Variants in ARIH1 observed in about 807,000 individuals in gnomAD.
ARIH1 encodes E3 ubiquitin-protein ligase ARIH1.
Under a neutral mutation model 85.0 loss-of-function variants are expected in ARIH1, and 8 were observed. The observed-to-expected ratio is 0.09, with a 90% CI of 0.06 to 0.17. The LOEUF (loss-of-function observed/expected upper bound fraction) is 0.17, where lower values mean the gene tolerates loss of function less well. Ranked by LOEUF, ARIH1 falls within the 10% of genes least tolerant of loss-of-function variation. ARIH1 has a pLI of 1.00. For missense variants in ARIH1, 311 were observed against 718.1 expected, an observed-to-expected ratio of 0.43 and a Z score of 6.48; for synonymous variants, 238 against 253.6, an observed-to-expected ratio of 0.94 and a Z score of 0.59.
In ARIH1 at chr15:72,541,883, ATGT is replaced by A. The variant is rs572035533; in HGVS notation, c.444-2933_444-2931del. Among the ~76,000 whole-genome samples the A allele has an allele frequency of 1.6e-4, 24 of 152,338 alleles. No homozygotes were observed. The South Asian group carries it at 5.0e-3, about 32-fold the overall frequency. ...ACATAAAGAGTGATTACAGTTAGTA[ATGT>A]TGTAAGTGCTGCAAAGGACTGCAGA... On this transcript the variant is annotated intron_variant, in intron 2 of 13. Transcript: ENST00000379887.
Position 72,504,587 on chromosome 15 carries a change from G to A in ARIH1, c.376-13480G>A, listed in dbSNP as rs184349280. Reference sequence around the variant, plus strand: ...CCAGGGACCTCTCTCCAGTCAAGCCGCTTCTCTCGTTCGTCTTTATCTGCA... The same window carrying A: ...CCAGGGACCTCTCTCCAGTCAAGCCACTTCTCTCGTTCGTCTTTATCTGCA... On this transcript the variant is annotated intron_variant, in intron 1 of 13. Coordinates refer to ENST00000379887, the MANE Select transcript of ARIH1 (RefSeq NM_005744.5). 1.2e-4 allele frequency among the ~76,000 whole-genome samples: 19 copies of A among 152,176 alleles called. 1 individual carries two copies. Among genetic ancestry groups the A allele is most frequent in the Admixed American group, 1.0e-3 (16 of 15,274 alleles).
chr15:72,503,873 G>A (rs534929073), intron 1 of ARIH1, among the ~76,000 whole-genome samples: 17 of 152,284 alleles, frequency 1.1e-4, no homozygotes, highest in African/African-American at 4.1e-4. Flanking sequence ...TGTGGGCCCT[G>A]CGATGGCACC....
chr15:72,508,716 C>T (rs779668340), intron 1 of ARIH1, among the ~76,000 whole-genome samples: 6 of 142,484 alleles, frequency 4.2e-5, no homozygotes, highest in Middle Eastern at 3.8e-3. Context: ...TTTTTTGAGA[C>T]GGAGTCTCTC....
chr15:72,507,812 A>G (rs1160267233), intron 1 of ARIH1, among the ~76,000 whole-genome samples: 1 of 152,252 alleles, frequency 6.6e-6, no homozygotes, highest in African/African-American at 2.4e-5. Flanking sequence ...CAGACTTACT[A>G]ATCAACTTTT....
rs979086231 is a variant in ARIH1 at position 72,474,357 on chromosome 15, G to A, written c.-283G>A. ...TAGCGATAGCAGCGGCCGTGGAGGT[G>A]GCGTTGGGGACTGTTTTCTCTCGGA... On this transcript the variant is annotated 5_prime_UTR_variant, in exon 1 of 14. Coordinates refer to ENST00000379887, the MANE Select transcript of ARIH1 (RefSeq NM_005744.5). The A allele has an allele frequency of 7.0e-6, 3 of 429,740 alleles. No individual in the cohort carries two copies. Among genetic ancestry groups the A allele is most frequent in the Non-Finnish European group, 1.2e-5 (3 of 241,176 alleles). 26.6% of individuals were successfully genotyped at this position (429,740 alleles called of 1,614,324 possible).
intron 2 of ARIH1, among the ~76,000 whole-genome samples, chr15:72,519,864 C>G (rs1241028119): frequency 1.3e-5 from 2 of 152,100 alleles, no homozygotes; most frequent in Admixed American, 1.3e-4. Flanking sequence ...GATGACACCT[C>G]TACTAGGAGA....
intron 1 of ARIH1, among the ~76,000 whole-genome samples, chr15:72,477,112 A>G (rs1446423941): frequency 6.6e-6 from 1 of 152,194 alleles, no homozygotes; most frequent in African/African-American, 2.4e-5. Flanking sequence ...ATACTACCAC[A>G]TTGCTTTCAG....
chr15:72,561,261 C>A (rs926940311), intron 5 of ARIH1, among the ~76,000 whole-genome samples: 2 of 151,918 alleles, frequency 1.3e-5, no homozygotes, highest in African/African-American at 2.4e-5. Flanking sequence ...AAAATAAGAA[C>A]CATGGAAAAA....
At position 72,580,859 on chromosome 15, in the gene ARIH1, C is replaced by T; in HGVS notation, c.1344C>T (p.His448=). The change falls in exon 12 of 14, where the codon CAC becomes CAT. Residue 448 remains histidine, a synonymous_variant. Coordinates refer to ENST00000379887, the MANE Select transcript of ARIH1 (RefSeq NM_005744.5). ...AGAAAATGGAGGAGATGCAGCAGCACAACATGTCCTGGATTGAGGTGCAGT... is the reference window on the plus strand; with the variant it reads ...AGAAAATGGAGGAGATGCAGCAGCATAACATGTCCTGGATTGAGGTGCAGT... ...VKQKMEEMQQ[H]NMSWIEVQFL... The T allele has an allele frequency of 6.2e-7, 1 of 1,614,170 alleles. No individual in the cohort carries two copies. Among genetic ancestry groups the T allele is most frequent in the Non-Finnish European group, 8.5e-7 (1 of 1,180,008 alleles).
chr15:72,509,899 C>CTTT (rs760955928), intron 1 of ARIH1, among the ~76,000 whole-genome samples: 2 of 143,390 alleles, frequency 1.4e-5, no homozygotes, highest in Non-Finnish European at 3.1e-5. Flanking sequence ...CCAGCCCCAC[C>CTTT]TTTTTTTTTT....
chr15:72,518,323 A>T (rs2063984000), intron 2 of ARIH1, among the ~76,000 whole-genome samples, 189 bp downstream of exon 2: 1 of 151,476 alleles, frequency 6.6e-6, no homozygotes. Context: ...AATGTTAGGG[A>T]GTTCAGTCTT....
At chr15:72,563,327 G>T in intron 6 of ARIH1, 67 bp from the exon 7 acceptor site, 3 of 1,413,484 alleles carry the variant, frequency 2.1e-6, no homozygotes, top group Non-Finnish European at 1.0e-6. Flanking sequence ...CCTAAGTTCT[G>T]GGATTATAGG....
In ARIH1 at chr15:72,484,921, A is replaced by C. The variant is rs534038748; in HGVS notation, c.375+9907A>C. Among the ~76,000 whole-genome samples the C allele has an allele frequency of 2.6e-5, 4 of 152,054 alleles. No homozygotes were observed. The South Asian group carries it at 6.2e-4, about 24-fold the overall frequency. On this transcript the variant is annotated intron_variant, in intron 1 of 13. Transcript: ENST00000379887. ...GTGCAAGTATCTTTTTCGTATAATGACTTTTCCTCTGGGTGGATACCCAGT... is the reference window on the plus strand; with the variant it reads ...GTGCAAGTATCTTTTTCGTATAATGCCTTTTCCTCTGGGTGGATACCCAGT...
At chr15:72,520,093 C>T (rs2063992899) in intron 2 of ARIH1, among the ~76,000 whole-genome samples, 1 of 152,062 alleles carries the variant, frequency 6.6e-6, no homozygotes, top group Non-Finnish European at 1.5e-5. Flanking sequence ...AGCTTCTGCT[C>T]AGTTTTTCTG....
At chr15:72,516,544 C>G (rs2140410119) in intron 1 of ARIH1, among the ~76,000 whole-genome samples, 1 of 152,290 alleles carries the variant, frequency 6.6e-6, no homozygotes, top group South Asian at 2.1e-4. Context: ...CTTTTCACAT[C>G]TTAACTCTTA....
chr15:72,565,701 T>A (rs936576244), intron 7 of ARIH1, among the ~76,000 whole-genome samples: 1 of 152,218 alleles, frequency 6.6e-6, no homozygotes, highest in African/African-American at 2.4e-5. Context: ...CCTATATAGC[T>A]ACAATCCAGT....
intron 1 of ARIH1, among the ~76,000 whole-genome samples, chr15:72,490,908 G>A (rs921083898): frequency 6.6e-6 from 1 of 152,110 alleles, no homozygotes; most frequent in Non-Finnish European, 1.5e-5. Context: ...ATGAGGTCAG[G>A]AGTTCGAGAC....
At chr15:72,578,217 T>TA (rs1482275114) in intron 11 of ARIH1, among the ~76,000 whole-genome samples, 1 of 152,228 alleles carries the variant, frequency 6.6e-6, no homozygotes, top group Non-Finnish European at 1.5e-5. Flanking sequence ...CTGTTGTAGA[T>TA]ACTGCGAAGT....
chr15:72,542,251 T>C (rs1344270119), intron 2 of ARIH1, among the ~76,000 whole-genome samples: 1 of 152,112 alleles, frequency 6.6e-6, no homozygotes, highest in Non-Finnish European at 1.5e-5. Flanking sequence ...CACAGTGGAG[T>C]AGCACGATAA....
Sources: allele counts gnomAD v4.1 joint callset (sites outside exome capture counted in the v4.1 genomes callset), GRCh38; gene constraint gnomAD v4.1.1; transcripts MANE v1.5; gene names NCBI Gene and HGNC (gene_info 2026-07-23, HGNC 2026-07-21).